Variants in OGFOD1 observed in about 807,000 individuals in gnomAD.
The protein encoded by OGFOD1 is 2-oxoglutarate and iron dependent oxygenase domain containing 1.
A neutral mutation model predicts 67.7 loss-of-function variants in OGFOD1; 54 were observed. That is an observed-to-expected ratio of 0.80 (90% CI 0.64 to 1.00). The LOEUF is 1.00. Ranked by LOEUF, OGFOD1 falls within the 50% of genes least tolerant of loss-of-function variation. The pLI, the probability that OGFOD1 is intolerant of heterozygous loss-of-function variation, is 0.00. For synonymous variants in OGFOD1, 221 were observed against 227.0 expected (o/e 0.97, Z 0.24); for missense variants, 606 against 646.7 (o/e 0.94, Z 0.68).
intron 2 of OGFOD1, among the ~76,000 whole-genome samples, chr16:56,457,811 C>G (rs1167139697): frequency 6.6e-6 from 1 of 152,072 alleles, no homozygotes; most frequent in East Asian, 1.9e-4. Flanking sequence ...TCCCGAGTAG[C>G]TGGAATTGCA....
intron 4 of OGFOD1, chr16:56,465,938 CTAAT>C (rs776996631): frequency 5.0e-4 from 232 of 464,288 alleles, no homozygotes; most frequent in Non-Finnish European, 8.1e-4. Flanking sequence ...CTGGATCTAT[CTAAT>C]TATGTGCTCT....
chr16:56,469,822 C>CCTGGGCA (rs1963067481), intron 8 of OGFOD1, among the ~76,000 whole-genome samples, 181 bp from the exon 9 acceptor site: 1 of 139,690 alleles, frequency 7.2e-6, no homozygotes, highest in Non-Finnish European at 1.5e-5. Flanking sequence ...TGTACTCCAG[C>CCTGGGCA]CTGGGCAACA....
intron 4 of OGFOD1, among the ~76,000 whole-genome samples, chr16:56,464,865 A>G (rs1962841781): frequency 2.0e-5 from 3 of 152,114 alleles, no homozygotes; most frequent in Non-Finnish European, 4.4e-5. Context: ...AACAATCAAG[A>G]TCTGGACTCT....
intron 3 of OGFOD1, 56 bp from the exon 4 acceptor site, chr16:56,462,478 T>A: frequency 9.3e-7 from 1 of 1,078,980 alleles, no homozygotes; most frequent in Non-Finnish European, 1.4e-6. Context: ...TCCAAACAGT[T>A]GTGACCTAGA....
chr16:56,465,216 T>A (rs144389876), intron 4 of OGFOD1, among the ~76,000 whole-genome samples: 2,415 of 152,136 alleles, frequency 0.016, 70 homozygotes, highest in African/African-American at 0.055. Flanking sequence ...GCCAGGCTAG[T>A]CTCCAACCCC....
chr16:56,475,082 G>A, intron 11 of OGFOD1, 132 bp downstream of exon 11: 1 of 922,166 alleles, frequency 1.1e-6, no homozygotes, highest in Non-Finnish European at 1.6e-6. Flanking sequence ...GGATCTCAAA[G>A]TCAAAGGGAT....
At chr16:56,468,582 C>T (rs1190088026) in intron 8 of OGFOD1, among the ~76,000 whole-genome samples, 1 of 152,004 alleles carries the variant, frequency 6.6e-6, no homozygotes, top group East Asian at 1.9e-4. Context: ...AAAAATTAGC[C>T]GGGCATGGTG....
At chr16:56,451,805 G>A (rs1275621511) in intron 1 of OGFOD1, 39 bp downstream of exon 1, 1 of 1,599,542 alleles carries the variant, frequency 6.3e-7, no homozygotes, top group South Asian at 1.1e-5. Context: ...CCACGCAGAG[G>A]TCTAGGGATC....
intron 2 of OGFOD1, among the ~76,000 whole-genome samples, chr16:56,454,537 C>T (rs1402156954): frequency 1.4e-5 from 2 of 147,234 alleles, no homozygotes; most frequent in Admixed American, 6.8e-5. Context: ...CTGGAAGACA[C>T]AGCCTAGTCT....
Position 56,471,762 on chromosome 16 carries a change from T to G in OGFOD1, c.1285+971T>G, listed in dbSNP as rs552679331. Among the ~76,000 whole-genome samples the G allele has an allele frequency of 1.1e-4, 16 of 152,364 alleles. 1 individual carries two copies. The South Asian group carries it at 2.9e-3, about 28-fold the overall frequency. ...CTGACTGAACAGTCACTTTGGCCAC[T>G]GCAGATATTTAGTAAAACCAGACCC... On this transcript the variant is annotated intron_variant, in intron 10 of 12. Transcript: ENST00000566157.
At position 56,455,138 on chromosome 16, in the gene OGFOD1, C is replaced by T. The variant is rs560054649; in HGVS notation, c.300+1730C>T. Among the ~76,000 whole-genome samples the T allele has an allele frequency of 5.3e-5, 8 of 152,212 alleles. No homozygotes were observed. In the East Asian group the frequency reaches 7.7e-4, roughly 15 times the overall value. On this transcript the variant is annotated intron_variant, in intron 2 of 12. Coordinates refer to ENST00000566157, the MANE Select transcript of OGFOD1 (RefSeq NM_018233.4). ...ATCCCAGCACTTTGGGAGGCTGAGG[C>T]GGGCAGATCACAAGGTCAGGAGATG...
rs776040524 is a variant in OGFOD1 at position 56,451,778 on chromosome 16, C to T, written c.154+12C>T. On this transcript the variant is annotated intron_variant, in intron 1 of 12. Coordinates refer to ENST00000566157, the MANE Select transcript of OGFOD1 (RefSeq NM_018233.4). ...GCCGTTCAGTCACGGTAACCGGGTG[C>T]TCTCAGGGAGGGGCCGCCACGCAGA... 1.9e-6 allele frequency: 3 copies of T among 1,611,590 alleles called. No homozygotes were observed. The African/African-American group carries it at 4.0e-5, about 22-fold the overall frequency.
In OGFOD1 at chr16:56,466,195, T is replaced by G. The variant is rs769430069; in HGVS notation, c.492T>G (p.Ile164Met). The change falls in exon 5 of 13, where the codon ATT (isoleucine) becomes ATG (methionine). Residue 164 changes from isoleucine (I) to methionine (M), a missense_variant. By Grantham distance (10) the Ile-to-Met change is conservative. Coordinates refer to ENST00000566157, the MANE Select transcript of OGFOD1 (RefSeq NM_018233.4). ...ATGATGAGCTGGAAGGGCGCCGGATTGCCTTCATCCTGTACCTGGTTCCTC... is the reference window on the plus strand; with the variant it reads ...ATGATGAGCTGGAAGGGCGCCGGATGGCCTTCATCCTGTACCTGGTTCCTC... Reference protein sequence around the residue: ...CHDDELEGRRIAFILYLVPPW... With the variant: ...CHDDELEGRRMAFILYLVPPW... The G allele has an allele frequency of 7.4e-6, 12 of 1,614,014 alleles. No individual in the cohort carries two copies. The highest frequency in any genetic ancestry group is 1.0e-5 in the Non-Finnish European group (12 of 1,180,002).
Position 56,478,127 on chromosome 16 carries a change from GA to G in OGFOD1, c.*1924del, listed in dbSNP as rs548096748. The stretch of plus-strand genomic sequence containing the variant: ...TGTCTTCCCCTATGCATATGGTAAC[GA>G]ACCATTTTACACCATACTATTTTGG... On this transcript the variant is annotated 3_prime_UTR_variant, in exon 13 of 13. Coordinates refer to ENST00000566157, the MANE Select transcript of OGFOD1 (RefSeq NM_018233.4). The G allele has an allele frequency of 2.0e-5, 3 of 152,054 alleles. No individual in the cohort carries two copies. Among genetic ancestry groups the G allele is most frequent in the Non-Finnish European group, 4.4e-5 (3 of 68,006 alleles). 9.4% of individuals were successfully genotyped at this position (152,054 alleles called of 1,614,324 possible). A position where few individuals can be genotyped will look rare whatever the true frequency, so the allele number is the denominator to read the frequency against.
intron 2 of OGFOD1, among the ~76,000 whole-genome samples, chr16:56,456,305 T>C (rs1351866366): frequency 6.6e-6 from 1 of 152,230 alleles, no homozygotes; most frequent in Non-Finnish European, 1.5e-5. Context: ...TTCTTAATGA[T>C]AGAGTATTCT....
In OGFOD1 at chr16:56,476,904, C is replaced by G. The variant is rs1023635433; in HGVS notation, c.*699C>G. On this transcript the variant is annotated 3_prime_UTR_variant, in exon 13 of 13. Transcript: ENST00000566157. ...CCAGCACTTGGGAGGCCAAGGCAGG[C>G]GGATCACCTGAGGTCAGGAGTTAAA... The G allele has an allele frequency of 6.6e-5, 10 of 152,168 alleles. No individual in the cohort carries two copies. Among genetic ancestry groups the G allele is most frequent in the African/African-American group, 2.2e-4 (9 of 41,420 alleles). The allele number at this position is 152,168 out of a possible 1,614,324, so 9.4% of individuals were successfully genotyped here.
intron 11 of OGFOD1, 124 bp from the exon 12 acceptor site, chr16:56,475,383 G>A: frequency 1.2e-6 from 1 of 865,958 alleles, no homozygotes. Context: ...ATAAGTCATA[G>A]AACCAGTTAC....
intron 12 of OGFOD1, among the ~76,000 whole-genome samples, 186 bp from the exon 13 acceptor site, chr16:56,475,858 G>A (rs532909741): frequency 2.6e-5 from 4 of 152,266 alleles, no homozygotes; most frequent in Admixed American, 2.0e-4. Context: ...ACCTTTCTAG[G>A]TATATGCTGG....
intron 1 of OGFOD1, among the ~76,000 whole-genome samples, 182 bp from the exon 2 acceptor site, chr16:56,453,081 G>T (rs762810216): frequency 1.3e-5 from 2 of 152,172 alleles, no homozygotes; most frequent in Admixed American, 1.3e-4. Flanking sequence ...ATCTTTAAAA[G>T]TAGTATTTAA....
Sources: gnomAD v4.1 joint callset for allele counts (sites outside exome capture counted in the v4.1 genomes callset) on GRCh38, gnomAD v4.1.1 for gene constraint, MANE v1.5 for transcripts, NCBI Gene and HGNC (gene_info 2026-07-23, HGNC 2026-07-21) for gene names.